CDKL4: variants seen among roughly 807,000 people sequenced by gnomAD.
CDKL4 encodes the protein cyclin-dependent kinase-like 4.
In CDKL4, 44 loss-of-function variants were observed where a neutral mutation model predicts 42.0. That is an observed-to-expected ratio of 1.05 (90% CI 0.82 to 1.35). CDKL4 has a LOEUF of 1.35. Among genes scored for constraint, CDKL4 ranks in the 40% most tolerant of loss-of-function variants. The probability of loss-of-function intolerance (pLI) is 0.00; values close to 1 mark genes in which losing one functional copy is unlikely to be tolerated. For synonymous variants in CDKL4, 120 were observed against 121.6 expected, an observed-to-expected ratio of 0.99 and a Z score of 0.09; for missense variants, 393 against 369.9, an observed-to-expected ratio of 1.06 and a Z score of -0.51.
chr2:39,241,860 C>T (rs886630510), intron 1 of CDKL4, among the ~76,000 whole-genome samples: 1 of 152,012 alleles, frequency 6.6e-6, no homozygotes, highest in East Asian at 1.9e-4. Flanking sequence ...GTGGCCCTAC[C>T]GTAATGTTAT....
intron 9 of CDKL4, 99 bp downstream of exon 9, chr2:39,179,088 A>G (rs564130927): frequency 3.3e-6 from 5 of 1,527,362 alleles, no homozygotes; most frequent in Middle Eastern, 3.6e-4. Context: ...AGTACAAATG[A>G]AAGGTCTTGG....
chr2:39,190,461 A>C (rs777007004), exon 6 of CDKL4: 2 of 1,614,120 alleles, frequency 1.2e-6, no homozygotes, highest in Admixed American at 3.3e-5. Flanking sequence ...GGAGCTCGGT[A>C]CCATCTCGTA....
chr2:39,222,105 A>T lies in CDKL4; in HGVS notation c.290+3734T>A, dbSNP rs1003615413. On this transcript the variant is annotated intron_variant, in intron 3 of 9. Transcript: ENST00000451199. ...AGGAAGCCATTAAGATCAATGAGAC[A>T]TGAAGTATGCCCTCAAAAAACTTAT... is the stretch of plus-strand genomic sequence containing the variant. Among the ~76,000 whole-genome samples, 3 of 152,236 alleles carry T rather than the reference A, an allele frequency of 2.0e-5. No individual in the cohort carries two copies. The South Asian group carries it at 6.2e-4, about 31-fold the overall frequency.
intron 2 of CDKL4, among the ~76,000 whole-genome samples, chr2:39,226,447 ATATATATAT>A (rs1421984022): frequency 2.0e-4 from 27 of 135,254 alleles, no homozygotes; most frequent in African/African-American, 4.6e-4. Flanking sequence ...TATATATATT[ATATATATAT>A]TATATATATT....
chr2:39,206,157 G>C (rs1333160302), intron 4 of CDKL4, among the ~76,000 whole-genome samples: 5 of 151,860 alleles, frequency 3.3e-5, no homozygotes, highest in African/African-American at 1.2e-4. Context: ...GGGTTCAAGC[G>C]ATTCTCCTGC....
chr2:39,226,039 A>C, intron 2 of CDKL4, 79 bp from the exon 3 acceptor site: 1 of 1,361,868 alleles, frequency 7.3e-7, no homozygotes, highest in Non-Finnish European at 9.7e-7. Context: ...AAGAAACTTA[A>C]AGTTGGAAGA....
At chr2:39,183,219 A>G (rs6544207) in intron 8 of CDKL4, among the ~76,000 whole-genome samples, 17,289 of 151,882 alleles carry the variant, frequency 0.11, 2,535 homozygotes, top group African/African-American at 0.34. Flanking sequence ...GGCGGAGGTT[A>G]CAGTGAGCGG....
At chr2:39,205,326 C>T (rs1677096210) in intron 4 of CDKL4, among the ~76,000 whole-genome samples, 1 of 152,012 alleles carries the variant, frequency 6.6e-6, no homozygotes, top group African/African-American at 2.4e-5. Flanking sequence ...CTGCTGCCAC[C>T]CAAGAGTCAC....
chr2:39,215,390 T>C (rs1427531361), intron 3 of CDKL4, among the ~76,000 whole-genome samples: 1 of 152,236 alleles, frequency 6.6e-6, no homozygotes, highest in African/African-American at 2.4e-5. Context: ...GTCTGTTATA[T>C]ATGCTGCAAA....
intron 4 of CDKL4, among the ~76,000 whole-genome samples, chr2:39,206,633 G>C (rs749011320): frequency 5.3e-5 from 8 of 152,124 alleles, no homozygotes; most frequent in Non-Finnish European, 1.2e-4. Flanking sequence ...AAAGAAAATG[G>C]ATGAAAATAA....
intron 5 of CDKL4, among the ~76,000 whole-genome samples, chr2:39,201,570 A>C (rs1169181834): frequency 1.3e-5 from 2 of 152,198 alleles, no homozygotes; most frequent in African/African-American, 4.8e-5. Flanking sequence ...AACCAGCCCA[A>C]ATGTCCATCA....
At chr2:39,183,144 G>A (rs1197081649) in intron 8 of CDKL4, among the ~76,000 whole-genome samples, 1 of 152,164 alleles carries the variant, frequency 6.6e-6, no homozygotes, top group Non-Finnish European at 1.5e-5. Flanking sequence ...GTCTGGTGTG[G>A]TGGCGTGTGC....
intron 5 of CDKL4, among the ~76,000 whole-genome samples, chr2:39,193,254 C>T (rs1362971372): frequency 2.1e-5 from 3 of 141,868 alleles, no homozygotes; most frequent in Non-Finnish European, 4.5e-5. Flanking sequence ...GGCAGAATGG[C>T]GAAATCTCTC....
chr2:39,242,072 G>T (rs767546688), intron 1 of CDKL4, among the ~76,000 whole-genome samples: 3 of 150,626 alleles, frequency 2.0e-5, no homozygotes, highest in Non-Finnish European at 4.4e-5. Flanking sequence ...CTGAGACAGG[G>T]TCTCGCTCTG....
intron 6 of CDKL4, among the ~76,000 whole-genome samples, chr2:39,188,370 G>T (rs977158747): frequency 6.6e-6 from 1 of 151,756 alleles, no homozygotes; most frequent in African/African-American, 2.4e-5. Flanking sequence ...AGACCATCCT[G>T]GCCAACATGG....
chr2:39,213,074 A>G (rs1483142808), intron 4 of CDKL4, among the ~76,000 whole-genome samples: 1 of 152,130 alleles, frequency 6.6e-6, no homozygotes, highest in Non-Finnish European at 1.5e-5. Context: ...TAGCAATTTG[A>G]TTCTTACAGA....
chr2:39,231,581 T>G (rs1398133058), intron 1 of CDKL4, among the ~76,000 whole-genome samples: 1 of 152,240 alleles, frequency 6.6e-6, no homozygotes, highest in African/African-American at 2.4e-5. Flanking sequence ...GCATACACAC[T>G]CAAGTAACAC....
intron 4 of CDKL4, among the ~76,000 whole-genome samples, chr2:39,208,848 A>G (rs6544210): frequency 0.88 from 134,219 of 152,038 alleles, 59,581 homozygotes; most frequent in Non-Finnish European, 0.94. Flanking sequence ...ACAATAAATC[A>G]TTTTTTTTAT....
intron 9 of CDKL4, 23 bp downstream of exon 9, chr2:39,179,164 C>CT (rs760554208): frequency 5.0e-6 from 8 of 1,588,274 alleles, no homozygotes; most frequent in Middle Eastern, 1.7e-4. Context: ...TTTTATAGCA[C>CT]TTTAACTTTT....
Sources: gnomAD v4.1 joint callset for allele counts (sites outside exome capture counted in the v4.1 genomes callset) on GRCh38, gnomAD v4.1.1 for gene constraint, MANE v1.5 for transcripts, NCBI Gene and HGNC (gene_info 2026-07-23, HGNC 2026-07-21) for gene names.